The following NAPG variants were observed in gnomAD, a reference collection of about 807,000 sequenced individuals.
NAPG encodes NSF attachment protein gamma, also known as gamma-soluble NSF attachment protein.
Under a neutral mutation model 48.4 loss-of-function variants are expected in NAPG, and 25 were observed. That is an observed-to-expected ratio of 0.52 (90% CI 0.38 to 0.72). The LOEUF (loss-of-function observed/expected upper bound fraction) is 0.72, where lower values mean the gene tolerates loss of function less well. Ranked by LOEUF, NAPG falls within the 30% of genes least tolerant of loss-of-function variation. The pLI is 0.00. For synonymous variants in NAPG, 139 were observed against 127.2 expected (o/e 1.09, Z -0.62); for missense variants, 359 against 372.5 (o/e 0.96, Z 0.30).
chr18:10,529,945 G>T (rs927577144), intron 1 of NAPG, among the ~76,000 whole-genome samples: 1 of 152,018 alleles, frequency 6.6e-6, no homozygotes, highest in African/African-American at 2.4e-5. Context: ...CGATGGTTTG[G>T]GCAATTTCTA....
intron 5 of NAPG, among the ~76,000 whole-genome samples, chr18:10,538,683 T>C (rs146426591): frequency 1.3e-5 from 2 of 152,340 alleles, no homozygotes; most frequent in African/African-American, 4.8e-5. Flanking sequence ...ACCTTTTTGA[T>C]TGGGTTTAAT....
rs901830923 is a variant in NAPG at position 10,552,404 on chromosome 18, A to G, written c.*2184A>G. 1 of 152,162 alleles carries G rather than the reference A, an allele frequency of 6.6e-6. No individual in the cohort carries two copies. The highest frequency in any genetic ancestry group is 1.5e-5 in the Non-Finnish European group (1 of 68,030). 9.4% of individuals were successfully genotyped at this position (152,162 alleles called of 1,614,324 possible). ...TCACATTTATACATTTTCTTTTTCC[A>G]CTCACGTAAGTTTCTATCTTGAGAG... On this transcript the variant is annotated 3_prime_UTR_variant, in exon 12 of 12. Coordinates refer to ENST00000322897, the MANE Select transcript of NAPG (RefSeq NM_003826.3).
At chr18:10,527,822 G>A (rs1269322935) in intron 1 of NAPG, among the ~76,000 whole-genome samples, 1 of 152,178 alleles carries the variant, frequency 6.6e-6, no homozygotes, top group African/African-American at 2.4e-5. Context: ...ACTGTGAAGG[G>A]ACAGCTTCTC....
chr18:10,543,976 A>G lies in NAPG; in HGVS notation c.507-2350A>G, dbSNP rs1255733174. On this transcript the variant is annotated intron_variant, in intron 8 of 11. Coordinates refer to ENST00000322897, the MANE Select transcript of NAPG (RefSeq NM_003826.3). The surrounding 1 kb of genome is among the most constrained non-coding windows in gnomAD (Gnocchi z 4.4). The stretch of plus-strand genomic sequence containing the variant: ...ATTAGCACATAGAAATGCTAATATT[A>G]TGTCAAGGAAATAAACAGTTTATGC... Among the ~76,000 whole-genome samples the G allele has an allele frequency of 6.6e-6, 1 of 152,200 alleles. No homozygotes were observed. Among genetic ancestry groups the G allele is most frequent in the East Asian group, 1.9e-4 (1 of 5,204 alleles).
In NAPG at chr18:10,548,358, A is replaced by G; in HGVS notation, c.645A>G (p.Arg215=). 3.7e-6 allele frequency: 6 copies of G among 1,613,706 alleles called. No individual in the cohort carries two copies. The highest frequency in any genetic ancestry group is 1.6e-4 in the Middle Eastern group (1 of 6,062). Residue 215 remains arginine, a synonymous_variant, in exon 10 of 12, where the codon AGA becomes AGG. Transcript: ENST00000322897. This position sits in a 1 kb window ranked among gnomAD's most constrained non-coding sequence, Gnocchi z 4.4. ...GAAATGACTATGTAGCTGCAGAAAGATGTGTCCGGGAGAGCTATAGGTAAG... is the reference window on the plus strand; with the variant it reads ...GAAATGACTATGTAGCTGCAGAAAGGTGTGTCCGGGAGAGCTATAGGTAAG... The part of the protein sequence containing the change: ...LHRNDYVAAE[R]CVRESYSIPG...
intron 1 of NAPG, 123 bp downstream of exon 1, chr18:10,526,281 GC>G: frequency 1.4e-6 from 1 of 717,568 alleles, no homozygotes; most frequent in Admixed American, 2.3e-5. Flanking sequence ...GCGCGCTGGT[GC>G]CCGCAGGGCT....
chr18:10,548,155 G>A lies in NAPG; in HGVS notation c.586-144G>A, dbSNP rs184542416. On this transcript the variant is annotated intron_variant, in intron 9 of 11. Transcript: ENST00000322897. This position sits in a 1 kb window ranked among gnomAD's most constrained non-coding sequence, Gnocchi z 4.4. ...TAGGATATTTCCCCTCAGGTGTCCCGTGGAAGTTACTATAGCATTTATAAA... is the reference window on the plus strand; with the variant it reads ...TAGGATATTTCCCCTCAGGTGTCCCATGGAAGTTACTATAGCATTTATAAA... 1.1e-4 allele frequency: 66 copies of A among 614,738 alleles called. No individual in the cohort carries two copies. Among genetic ancestry groups the A allele is most frequent in the Admixed American group, 8.5e-5 (3 of 35,122 alleles). 38.1% of individuals were successfully genotyped at this position (614,738 alleles called of 1,614,324 possible). A position where few individuals can be genotyped will look rare whatever the true frequency, so the allele number is the denominator to read the frequency against.
rs2032369197 is a variant in NAPG, at chr18:10,550,639, A to G, written c.*419A>G. On this transcript the variant is annotated 3_prime_UTR_variant, in exon 12 of 12. Coordinates refer to ENST00000322897, the MANE Select transcript of NAPG (RefSeq NM_003826.3). ...TTGCTGCTAAAGGTGATGTTTACTG[A>G]TAAATCATTTTAAAATTTTTTTGTT... 6.5e-6 allele frequency: 1 copy of G among 153,874 alleles called. No individual in the cohort carries two copies. The highest frequency in any genetic ancestry group is 1.4e-5 in the Non-Finnish European group (1 of 69,218). 9.5% of individuals were successfully genotyped at this position (153,874 alleles called of 1,614,324 possible).
intron 9 of NAPG, among the ~76,000 whole-genome samples, chr18:10,547,341 A>G (rs530188539): frequency 1.3e-5 from 2 of 152,356 alleles, no homozygotes; most frequent in South Asian, 4.1e-4. Context: ...GTGCAGCATC[A>G]CATTCACAGT....
chr18:10,533,490 A>AT (rs766330804), intron 3 of NAPG, 46 bp from the exon 4 acceptor site: 4 of 1,551,412 alleles, frequency 2.6e-6, no homozygotes, highest in Non-Finnish European at 3.5e-6. Context: ...GAAACTATTG[A>AT]TTTTTTTCTT....
At position 10,532,812 on chromosome 18, in the gene NAPG, T is replaced by C. The variant is rs769193721; in HGVS notation, c.209+17T>C. 2 of 1,524,672 alleles carry C rather than the reference T, an allele frequency of 1.3e-6. No individual in the cohort carries two copies. The highest frequency in any genetic ancestry group is 8.8e-7 in the Non-Finnish European group (1 of 1,131,268). The allele number at this position is 1,524,672 out of a possible 1,614,324, so 94.4% of individuals were successfully genotyped here. A position where few individuals can be genotyped will look rare whatever the true frequency, so the allele number is the denominator to read the frequency against. The stretch of plus-strand genomic sequence containing the variant: ...TAATAGGGCGTATCTTTTTCAACTT[T>C]TAAAAAGAAATTAAACAATTAGATG... On this transcript the variant is annotated intron_variant, in intron 3 of 11. Transcript: ENST00000322897.
At chr18:10,526,259 T>G in intron 1 of NAPG, 101 bp downstream of exon 1, 1 of 790,946 alleles carries the variant, frequency 1.3e-6, no homozygotes, top group East Asian at 3.9e-5. Flanking sequence ...GGCTCAGGGC[T>G]GAGGGGCCTC....
rs1007786256 is a variant in NAPG, at chr18:10,546,491, G to T, written c.585+87G>T. 2.8e-6 allele frequency: 2 copies of T among 724,626 alleles called. No individual in the cohort carries two copies. Among genetic ancestry groups the T allele is most frequent in the Non-Finnish European group, 4.3e-6 (2 of 465,800 alleles). The allele number at this position is 724,626 out of a possible 1,614,324, so 44.9% of individuals were successfully genotyped here. On this transcript the variant is annotated intron_variant, in intron 9 of 11. Coordinates refer to ENST00000322897, the MANE Select transcript of NAPG (RefSeq NM_003826.3). The surrounding 1 kb of genome is among the most constrained non-coding windows in gnomAD (Gnocchi z 4.0). ...TAAGTACTTAAGAAAGGATTCTATG[G>T]GTATTTCTATGTTTTTGTAAAATAA...
chr18:10,533,407 G>C, intron 3 of NAPG, 129 bp from the exon 4 acceptor site: 1 of 685,370 alleles, frequency 1.5e-6, no homozygotes, highest in Non-Finnish European at 2.3e-6. Flanking sequence ...TTTTTTACCT[G>C]TTTGTAGGAT....
chr18:10,540,543 A>G (rs561439914), intron 8 of NAPG, 144 bp downstream of exon 8: 2 of 577,068 alleles, frequency 3.5e-6, no homozygotes, highest in Admixed American at 3.3e-5. Context: ...ATTAACATTT[A>G]CTAGACAGTA....
chr18:10,537,893 G>A (rs1306001099), intron 5 of NAPG, among the ~76,000 whole-genome samples: 4 of 151,978 alleles, frequency 2.6e-5, no homozygotes, highest in African/African-American at 9.7e-5. Context: ...GTTATGTTTT[G>A]GGGTTGGCGA....
At position 10,539,586 on chromosome 18, in the gene NAPG, G is replaced by A. The variant is rs549531869; in HGVS notation, c.259-176G>A. On this transcript the variant is annotated intron_variant, in intron 5 of 11. Transcript: ENST00000322897. This position sits in a 1 kb window ranked among gnomAD's most constrained non-coding sequence, Gnocchi z 4.7. ...ATGCGGGGCTTAAAACCTAGATGAT[G>A]GGTTGATAGGTATAGCAAACCACCA... 172 of 583,728 alleles carry A rather than the reference G, an allele frequency of 2.9e-4. 1 individual carries two copies. In the South Asian group the frequency reaches 3.4e-3, roughly 12 times the overall value. 36.2% of individuals were successfully genotyped at this position (583,728 alleles called of 1,614,324 possible).
chr18:10,533,277 A>G, intron 3 of NAPG: 1 of 366,646 alleles, frequency 2.7e-6, no homozygotes, highest in Non-Finnish European at 4.8e-6. Context: ...ATAACTTTGT[A>G]CTTCAGTAAA....
chr18:10,540,375 C>T lies in NAPG; in HGVS notation c.482C>T (p.Ser161Phe). 1 of 1,613,556 alleles carries T rather than the reference C, an allele frequency of 6.2e-7. No homozygotes were observed. Among genetic ancestry groups the T allele is most frequent in the Non-Finnish European group, 8.5e-7 (1 of 1,179,634 alleles). Residue 161 changes from serine (S) to phenylalanine (F), a missense_variant, in exon 8 of 12, where the codon TCC (serine) becomes TTC (phenylalanine). Coordinates refer to ENST00000322897, the MANE Select transcript of NAPG (RefSeq NM_003826.3). ...GCAGTTGAATTACTAGGAAAAGCCT[C>T]CAGACTACTAGTACGAGGACGTAGG... ...RQAVELLGKA[S>F]RLLVRGRRFD...
Sources: allele counts gnomAD v4.1 joint callset (sites outside exome capture counted in the v4.1 genomes callset), GRCh38; gene constraint gnomAD v4.1.1; non-coding constraint Gnocchi (gnomAD v3.1); transcripts MANE v1.5; gene names NCBI Gene and HGNC (gene_info 2026-07-23, HGNC 2026-07-21).